Variants in CTNNA2 observed in about 807,000 individuals in gnomAD.
CTNNA2 encodes catenin alpha-2.
CTNNA2 carries 42 observed loss-of-function variants against 101.0 expected under a neutral mutation model. The observed-to-expected ratio is 0.42, with a 90% CI of 0.32 to 0.54. The LOEUF (loss-of-function observed/expected upper bound fraction) is 0.54. Among genes scored for constraint, CTNNA2 ranks in the 20% least tolerant of loss-of-function variants. CTNNA2 has a pLI of 0.14. For synonymous variants in CTNNA2, 450 were observed against 456.4 expected (o/e 0.99, Z 0.18); for missense variants, 871 against 1,223.1 (o/e 0.71, Z 4.29).
intron 7 of CTNNA2, among the ~76,000 whole-genome samples, chr2:80,251,312 A>G (rs546923584): frequency 6.6e-6 from 1 of 152,290 alleles, no homozygotes; most frequent in Non-Finnish European, 1.5e-5. Flanking sequence ...ATTGAAAGCA[A>G]TAATCAAATT....
chr2:79,495,699 A>G lies in CTNNA2; in HGVS notation c.-134-9355A>G, dbSNP rs145680830. Among the ~76,000 whole-genome samples the G allele has an allele frequency of 1.4e-3, 208 of 152,338 alleles. 8 individuals carry two copies. In the East Asian group the frequency reaches 0.036, roughly 26 times the overall value. ...TCATAATTAATTGCCTAAAGTGGAA[A>G]TAACATATCTATTAATTGATAAATG... On this transcript the variant is annotated intron_variant, in intron 4 of 21. Coordinates refer to the CTNNA2 transcript ENST00000466387.
At chr2:80,092,566 T>C (rs892919323) in intron 7 of CTNNA2, among the ~76,000 whole-genome samples, 2 of 152,146 alleles carry the variant, frequency 1.3e-5, no homozygotes, top group South Asian at 4.1e-4. Flanking sequence ...AGAAAAGAAC[T>C]GTTAAGAGCA....
At chr2:79,563,144 C>A (rs1411814147) in intron 1 of CTNNA2, among the ~76,000 whole-genome samples, 1 of 126,184 alleles carries the variant, frequency 7.9e-6, no homozygotes, top group Non-Finnish European at 1.6e-5. Context: ...AAGGAAAACA[C>A]CTAATAATAA....
Position 79,744,505 on chromosome 2 carries a change from A to T in CTNNA2, c.221A>T (p.Lys74Met), listed in dbSNP as rs1216604825. ...VEQATQNFLE[K>M]GEQIAKESQD... ...CAAGCCACTCAGAATTTCCTGGAAA[A>T]GGGTGAACAGATCGCTAAGGAGAGT... Residue 74 changes from lysine (K) to methionine (M), a missense_variant, in exon 3 of 19, where the codon AAG becomes ATG. Physicochemically the swap from Lys to Met is moderately conservative, Grantham distance 95 (BLOSUM62 -1). Transcript: ENST00000402739. The T allele has an allele frequency of 6.2e-7, 1 of 1,614,040 alleles. No homozygotes were observed. The highest frequency in any genetic ancestry group is 2.2e-5 in the East Asian group (1 of 44,864).
chr2:79,247,301 T>G (rs1426899887), intron 2 of CTNNA2, among the ~76,000 whole-genome samples: 1 of 152,240 alleles, frequency 6.6e-6, no homozygotes, highest in African/African-American at 2.4e-5. Context: ...TAGAATTACA[T>G]AAGAGTTGTT....
chr2:79,830,129 TG>T (rs1470482809), intron 3 of CTNNA2, among the ~76,000 whole-genome samples: 1 of 152,148 alleles, frequency 6.6e-6, no homozygotes, highest in Admixed American at 6.5e-5. Flanking sequence ...TGGGAACCTC[TG>T]GGGTGCAATA....
At chr2:79,715,035 A>G (rs4625934) in intron 2 of CTNNA2, among the ~76,000 whole-genome samples, 5 of 128,612 alleles carry the variant, frequency 3.9e-5, no homozygotes, top group African/African-American at 1.4e-4. Context: ...TACTAAAAAT[A>G]CCAAAAAAAA....
chr2:79,886,016 T>G (rs753858419), intron 6 of CTNNA2, among the ~76,000 whole-genome samples: 3 of 152,196 alleles, frequency 2.0e-5, no homozygotes, highest in Non-Finnish European at 2.9e-5. Context: ...CCAGATGAGA[T>G]AGAACAATAA....
Position 79,295,429 on chromosome 2 carries a change from A to G in CTNNA2, c.-405-17280A>G, listed in dbSNP as rs1173442929. On this transcript the variant is annotated intron_variant, in intron 2 of 21. Transcript: ENST00000466387. Reference sequence around the variant, plus strand: ...GTAAAAGGCCATGGACAAGAGAAAGAGTGCCAATTATTTCTTCCAAGCAAC... The same window carrying G: ...GTAAAAGGCCATGGACAAGAGAAAGGGTGCCAATTATTTCTTCCAAGCAAC... 2.6e-5 allele frequency among the ~76,000 whole-genome samples: 4 copies of G among 152,162 alleles called. No individual in the cohort carries two copies. In the East Asian group the frequency reaches 7.7e-4, roughly 29 times the overall value.
chr2:80,251,005 T>C (rs953901577), intron 7 of CTNNA2, among the ~76,000 whole-genome samples: 4 of 151,880 alleles, frequency 2.6e-5, no homozygotes, highest in Admixed American at 6.6e-5. Flanking sequence ...CTTAAGGGAG[T>C]CTTAAGGGAG....
chr2:80,066,374 CAA>C lies in CTNNA2; in HGVS notation c.1056+156587_1056+156588del, dbSNP rs541391280. ...AATATAAAAGAAATTCAAACAATAG[CAA>C]AAAAAAAAATCAATAGCACAAAAAC... On this transcript the variant is annotated intron_variant, in intron 7 of 18. Transcript: ENST00000402739. 4.9e-5 allele frequency among the ~76,000 whole-genome samples: 7 copies of C among 143,842 alleles called. No homozygotes were observed. In the East Asian group the frequency reaches 1.4e-3, roughly 29 times the overall value. The allele number at this position is 143,842 out of a possible 152,430, so 94.4% of individuals were successfully genotyped here. A position where few individuals can be genotyped will look rare whatever the true frequency, so the allele number is the denominator to read the frequency against.
chr2:79,639,075 G>A (rs148472007), intron 1 of CTNNA2, among the ~76,000 whole-genome samples: 27 of 152,178 alleles, frequency 1.8e-4, no homozygotes, highest in African/African-American at 6.3e-4. Flanking sequence ...TTCAAAATTC[G>A]GAGCTGCCAT....
chr2:79,320,509 T>C (rs1163645104), intron 3 of CTNNA2, among the ~76,000 whole-genome samples: 2 of 152,126 alleles, frequency 1.3e-5, no homozygotes. Flanking sequence ...AAAAAAATTC[T>C]AGTTTGCCAT....
chr2:79,246,523 A>G (rs2104264694), intron 2 of CTNNA2, among the ~76,000 whole-genome samples: 1 of 152,244 alleles, frequency 6.6e-6, no homozygotes, highest in South Asian at 2.1e-4. Flanking sequence ...TCCTTTATTA[A>G]CACTTCTAGC....
At chr2:79,559,214 G>A (rs1004384372) in intron 1 of CTNNA2, among the ~76,000 whole-genome samples, 2 of 151,918 alleles carry the variant, frequency 1.3e-5, no homozygotes, top group Non-Finnish European at 1.5e-5. Flanking sequence ...AGTGGAAAGA[G>A]CTCATACTGG....
intron 4 of CTNNA2, among the ~76,000 whole-genome samples, chr2:79,447,916 C>T (rs1433687787): frequency 6.6e-6 from 1 of 151,964 alleles, no homozygotes; most frequent in Admixed American, 6.6e-5. Context: ...ATCAGTCCCA[C>T]CTCCCTTTTG....
At chr2:79,559,070 T>A (rs2104113443) in intron 1 of CTNNA2, among the ~76,000 whole-genome samples, 1 of 152,020 alleles carries the variant, frequency 6.6e-6, no homozygotes, top group East Asian at 1.9e-4. Context: ...GCTTAAAAAA[T>A]TTTGATGAAT....
chr2:79,289,370 T>C (rs1452769263), intron 2 of CTNNA2, among the ~76,000 whole-genome samples: 1 of 152,176 alleles, frequency 6.6e-6, no homozygotes, highest in African/African-American at 2.4e-5. Flanking sequence ...CAACAAAAGA[T>C]GTGAGTGTTT....
chr2:79,453,054 A>G (rs1670775168), intron 4 of CTNNA2, among the ~76,000 whole-genome samples: 1 of 152,182 alleles, frequency 6.6e-6, no homozygotes, highest in African/African-American at 2.4e-5. Context: ...AACTGGAACC[A>G]TATTGCTAAC....
Sources: gnomAD v4.1 joint callset for allele counts (sites outside exome capture counted in the v4.1 genomes callset) on GRCh38, gnomAD v4.1.1 for gene constraint, MANE v1.5 for transcripts, NCBI Gene and HGNC (gene_info 2026-07-23, HGNC 2026-07-21) for gene names.